The following CDH18 variants were observed in gnomAD, a reference collection of about 807,000 sequenced individuals.
CDH18 encodes the protein cadherin 18.
A neutral mutation model predicts 67.9 loss-of-function variants in CDH18; 31 were observed. The ratio of observed to expected loss-of-function variants is 0.46; its 90% CI spans 0.34 to 0.62. CDH18 has a LOEUF of 0.62. Ranked by LOEUF, CDH18 falls within the 20% of genes least tolerant of loss-of-function variation. The pLI is 0.01. For missense variants in CDH18, 890 were observed against 975.5 expected (o/e 0.91, Z 1.17); for synonymous variants, 362 against 347.2 (o/e 1.04, Z -0.48).
intron 7 of CDH18, 54 bp from the exon 8 acceptor site, chr5:19,571,886 C>G (rs896425979): frequency 1.5e-6 from 2 of 1,374,106 alleles, no homozygotes; most frequent in African/African-American, 2.9e-5. Flanking sequence ...CATATTATGA[C>G]TTTCATTACT....
At chr5:20,160,311 T>G (rs1321542253) in intron 2 of CDH18, among the ~76,000 whole-genome samples, 1 of 152,212 alleles carries the variant, frequency 6.6e-6, no homozygotes, top group Admixed American at 6.5e-5. Flanking sequence ...AGTCAAAGAC[T>G]AATCCAAGAA....
intron 1 of CDH18, among the ~76,000 whole-genome samples, chr5:20,303,577 C>T (rs1345868061): frequency 6.6e-6 from 1 of 152,094 alleles, no homozygotes; most frequent in Non-Finnish European, 1.5e-5. Flanking sequence ...CAGCCCGGTT[C>T]ATTTGGTAAC....
intron 1 of CDH18, among the ~76,000 whole-genome samples, chr5:20,413,610 C>A (rs953256014): frequency 3.3e-5 from 5 of 152,138 alleles, no homozygotes; most frequent in African/African-American, 7.2e-5. Context: ...TAAATGTCTT[C>A]TTTTGAAAAG....
At chr5:19,488,799 G>C (rs1022106693) in intron 11 of CDH18, among the ~76,000 whole-genome samples, 4 of 152,152 alleles carry the variant, frequency 2.6e-5, no homozygotes, top group African/African-American at 7.2e-5. Context: ...CACTTCAGCA[G>C]CATGTTCTCT....
intron 10 of CDH18, among the ~76,000 whole-genome samples, chr5:19,506,086 A>G (rs1020911764): frequency 6.6e-5 from 10 of 151,856 alleles, no homozygotes; most frequent in Non-Finnish European, 1.0e-4. Context: ...TTTCAAATCA[A>G]TGTGGAAAAA....
chr5:20,058,405 G>GA (rs1025667368), intron 2 of CDH18, among the ~76,000 whole-genome samples: 11 of 151,764 alleles, frequency 7.2e-5, no homozygotes, highest in Admixed American at 1.3e-4. Flanking sequence ...GGACCACAAT[G>GA]AAAAAAAAGT....
chr5:19,774,480 A>AT (rs1561273227), intron 3 of CDH18, among the ~76,000 whole-genome samples: 1 of 127,184 alleles, frequency 7.9e-6, no homozygotes, highest in African/African-American at 2.7e-5. Flanking sequence ...GGAAATACTG[A>AT]TATTAGGTAG....
intron 3 of CDH18, among the ~76,000 whole-genome samples, chr5:19,827,971 T>G (rs953051035): frequency 5.9e-5 from 9 of 152,064 alleles, no homozygotes; most frequent in Non-Finnish European, 1.2e-4. Context: ...TTGATAGACT[T>G]GTAGCTAGAC....
chr5:19,517,397 T>A (rs1164518593), intron 10 of CDH18, among the ~76,000 whole-genome samples: 3 of 149,188 alleles, frequency 2.0e-5, no homozygotes, highest in Admixed American at 6.7e-5. Context: ...GTCTTTTTTT[T>A]ATCATCTTAA....
chr5:20,125,697 A>T (rs1748762889), intron 2 of CDH18, among the ~76,000 whole-genome samples: 1 of 152,150 alleles, frequency 6.6e-6, no homozygotes. Flanking sequence ...TATGACATGC[A>T]TCAATTTTTT....
intron 2 of CDH18, among the ~76,000 whole-genome samples, chr5:20,080,894 T>C (rs1424239181): frequency 6.6e-6 from 1 of 152,134 alleles, no homozygotes; most frequent in African/African-American, 2.4e-5. Context: ...AATATAACTC[T>C]TTCTACTCTT....
chr5:19,878,187 A>G (rs531917007), intron 2 of CDH18: 1 of 152,134 alleles, frequency 6.6e-6, no homozygotes, highest in Middle Eastern at 3.4e-3. Context: ...TATAAATTTA[A>G]TTGTTTTAAT....
chr5:19,629,401 A>T (rs905737650), intron 5 of CDH18, among the ~76,000 whole-genome samples: 3 of 152,172 alleles, frequency 2.0e-5, no homozygotes, highest in African/African-American at 7.2e-5. Context: ...TGGTGAGTCA[A>T]GACAATAATG....
chr5:19,868,601 T>A (rs1477474792), intron 2 of CDH18, among the ~76,000 whole-genome samples: 1 of 152,158 alleles, frequency 6.6e-6, no homozygotes, highest in Non-Finnish European at 1.5e-5. Context: ...GTATATCAAA[T>A]GAGTTGAGAC....
intron 1 of CDH18, among the ~76,000 whole-genome samples, chr5:20,489,400 A>T (rs1753443166): frequency 6.6e-6 from 1 of 152,090 alleles, no homozygotes. Context: ...GAATATTTTG[A>T]TAATGAACTA....
intron 6 of CDH18, among the ~76,000 whole-genome samples, chr5:19,609,821 C>A (rs1247217373): frequency 6.6e-6 from 1 of 151,982 alleles, no homozygotes; most frequent in Non-Finnish European, 1.5e-5. Context: ...CTACTGGATC[C>A]ATTTGATGAC....
chr5:20,543,827 G>A (rs1486899548), intron 1 of CDH18, among the ~76,000 whole-genome samples: 1 of 152,106 alleles, frequency 6.6e-6, no homozygotes, highest in East Asian at 1.9e-4. Flanking sequence ...TATTTGCCAT[G>A]ATTCTATGTA....
chr5:20,325,547 C>T (rs979762237), intron 1 of CDH18, among the ~76,000 whole-genome samples: 1 of 152,136 alleles, frequency 6.6e-6, no homozygotes, highest in African/African-American at 2.4e-5. Context: ...CTTCCGCCAC[C>T]CATCCCTCAT....
At chr5:20,447,941 T>C (rs1750129686) in intron 1 of CDH18, among the ~76,000 whole-genome samples, 2 of 152,150 alleles carry the variant, frequency 1.3e-5, no homozygotes, top group Non-Finnish European at 2.9e-5. Flanking sequence ...CTAGGGTACA[T>C]GTATACAACG....
Sources: gnomAD v4.1 joint callset for allele counts (sites outside exome capture counted in the v4.1 genomes callset) on GRCh38, gnomAD v4.1.1 for gene constraint, MANE v1.5 for transcripts, NCBI Gene and HGNC (gene_info 2026-07-23, HGNC 2026-07-21) for gene names.